Variants in SGIP1 observed in about 807,000 individuals in gnomAD.
SGIP1 encodes the protein SH3-containing GRB2-like protein 3-interacting protein 1.
In SGIP1, 38 loss-of-function variants were observed where a neutral mutation model predicts 107.5. The ratio of observed to expected loss-of-function variants is 0.35; its 90% CI spans 0.27 to 0.46. SGIP1 has a LOEUF of 0.46. Ranked by LOEUF, SGIP1 falls within the 20% of genes least tolerant of loss-of-function variation. The probability of loss-of-function intolerance (pLI) is 1.00; values close to 1 mark genes in which losing one functional copy is unlikely to be tolerated. For synonymous variants in SGIP1, 365 were observed against 366.1 expected, an observed-to-expected ratio of 1.00 and a Z score of 0.03; for missense variants, 929 against 1,019.5, an observed-to-expected ratio of 0.91 and a Z score of 1.21.
At chr1:66,557,286 GA>G (rs2058325846) in intron 1 of SGIP1, among the ~76,000 whole-genome samples, 1 of 152,060 alleles carries the variant, frequency 6.6e-6, no homozygotes, top group Non-Finnish European at 1.5e-5. Context: ...AAGGCTTTTG[GA>G]ATTTTCCCAT....
chr1:66,587,455 G>A (rs1207197470), intron 1 of SGIP1, among the ~76,000 whole-genome samples: 2 of 151,666 alleles, frequency 1.3e-5, no homozygotes, highest in Non-Finnish European at 2.9e-5. Flanking sequence ...CTGTTATTGA[G>A]CCATCCACTG....
At chr1:66,676,842 G>A in intron 12 of SGIP1, 162 bp from the exon 13 acceptor site, 1 of 608,366 alleles carries the variant, frequency 1.6e-6, no homozygotes, top group Non-Finnish European at 2.9e-6. Flanking sequence ...TCTATTCTCT[G>A]CTTGAAAAGA....
chr1:66,678,000 G>C (rs2085777970), intron 13 of SGIP1, among the ~76,000 whole-genome samples: 1 of 152,114 alleles, frequency 6.6e-6, no homozygotes, highest in Non-Finnish European at 1.5e-5. Context: ...GTTGTTTGTT[G>C]GAAATATTAT....
Position 66,733,849 on chromosome 1 carries a change from C to T in SGIP1, c.2000C>T (p.Thr667Ile). 1 of 1,613,378 alleles carries T rather than the reference C, an allele frequency of 6.2e-7. No individual in the cohort carries two copies. Among genetic ancestry groups the T allele is most frequent in the Non-Finnish European group, 8.5e-7 (1 of 1,179,648 alleles). ...KKVSEQKPQA[T>I]YYNVDMLKYQ... ...GTGTCTGAACAAAAACCCCAGGCTA[C>T]ATATTATAACGTTGACATGCTCAAA... Residue 667 changes from threonine to isoleucine, a missense_variant, in exon 21 of 25, where the codon ACA becomes ATA. Physicochemically the swap from Thr to Ile is moderately conservative, Grantham distance 89. Around this residue, in one of 2 missense-constraint regions of SGIP1, gnomAD observed 341 missense variants for 430.9 expected, o/e 0.79. Coordinates refer to ENST00000371037, the MANE Select transcript of SGIP1 (RefSeq NM_032291.4).
At position 66,682,370 on chromosome 1, in the gene SGIP1, G is replaced by A. The variant is rs2086926940; in HGVS notation, c.1315+1G>A. The A allele has an allele frequency of 1.9e-6, 3 of 1,608,336 alleles. No homozygotes were observed. Among genetic ancestry groups the A allele is most frequent in the East Asian group, 2.2e-5 (1 of 44,832 alleles). On this transcript the variant is annotated splice_donor_variant, in intron 15 of 24. Transcript: ENST00000371037. LOFTEE classifies it high-confidence loss of function. The stretch of plus-strand genomic sequence containing the variant: ...GGCCCTGGTCCGGGGACCACCAGTG[G>A]TATGTCTTATGCTTGAGTGTGCTTC...
At chr1:66,675,637 C>T (rs113242636) in intron 12 of SGIP1, among the ~76,000 whole-genome samples, 1,737 of 148,556 alleles carry the variant, frequency 0.012, 37 homozygotes, top group African/African-American at 0.041. Flanking sequence ...CCTCCCACAG[C>T]GATCCTCCCA....
intron 1 of SGIP1, among the ~76,000 whole-genome samples, chr1:66,562,692 C>T (rs1420351978): frequency 6.6e-6 from 1 of 151,914 alleles, no homozygotes; most frequent in Non-Finnish European, 1.5e-5. Flanking sequence ...GAAAACTTGC[C>T]CCTGGGCAGA....
intron 7 of SGIP1, chr1:66,660,022 G>GGAAGGAAGGAAGGAAGGAAC (rs2080790647): frequency 9.3e-6 from 1 of 106,976 alleles, no homozygotes; most frequent in Non-Finnish European, 1.5e-5. Context: ...CAGACAGGAA[G>GGAAGGAAGGAAGGAAGGAAC]GAAGGAAGGA....
At chr1:66,587,399 A>T (rs2062808625) in intron 1 of SGIP1, among the ~76,000 whole-genome samples, 2 of 148,888 alleles carry the variant, frequency 1.3e-5, no homozygotes, top group Non-Finnish European at 1.5e-5. Context: ...CTATTTTCTG[A>T]TTTGGTAATT....
At chr1:66,661,935 G>C (rs2081573452) in intron 8 of SGIP1, among the ~76,000 whole-genome samples, 1 of 151,964 alleles carries the variant, frequency 6.6e-6, no homozygotes, top group African/African-American at 2.4e-5. Flanking sequence ...TGGTCATTTT[G>C]ATGATACCTT....
intron 18 of SGIP1, among the ~76,000 whole-genome samples, chr1:66,701,403 C>A (rs2091890783): frequency 6.6e-6 from 1 of 152,134 alleles, no homozygotes; most frequent in African/African-American, 2.4e-5. Context: ...GTTGGGGAAA[C>A]AATACAGAAA....
At chr1:66,738,508 C>T (rs755300192) in intron 21 of SGIP1, among the ~76,000 whole-genome samples, 1 of 152,180 alleles carries the variant, frequency 6.6e-6, no homozygotes, top group Non-Finnish European at 1.5e-5. Context: ...TCACTGTGGA[C>T]CCAGAATTCA....
At position 66,664,267 on chromosome 1, in the gene SGIP1, A is replaced by G. The variant is rs1311674924; in HGVS notation, c.472-3263A>G. On this transcript the variant is annotated intron_variant, in intron 8 of 24. Coordinates refer to ENST00000371037, the MANE Select transcript of SGIP1 (RefSeq NM_032291.4). ...TGGCCTTTTTTTTCTAATTTCATTT[A>G]AGGTGCATCCAGGCAGGTTTATAAG... Among the ~76,000 whole-genome samples, 12 of 152,268 alleles carry G rather than the reference A, an allele frequency of 7.9e-5. No homozygotes were observed. In the South Asian group the frequency reaches 2.1e-3, roughly 26 times the overall value.
intron 9 of SGIP1, among the ~76,000 whole-genome samples, chr1:66,670,664 A>G (rs2083556194): frequency 1.3e-5 from 2 of 152,202 alleles, no homozygotes; most frequent in African/African-American, 2.4e-5. Flanking sequence ...ACTTCGATTT[A>G]CTTTCTTATC....
intron 1 of SGIP1, among the ~76,000 whole-genome samples, chr1:66,623,062 C>T (rs2071583498): frequency 6.6e-6 from 1 of 152,182 alleles, no homozygotes; most frequent in Non-Finnish European, 1.5e-5. Context: ...TCTCAAAAGA[C>T]ATGAACACAC....
chr1:66,708,234 G>A (rs1469974218), intron 18 of SGIP1, among the ~76,000 whole-genome samples: 2 of 152,282 alleles, frequency 1.3e-5, no homozygotes, highest in South Asian at 2.1e-4. Flanking sequence ...GATGTTTTGA[G>A]ATTAGAAGAC....
At chr1:66,554,420 C>T (rs182306261) in intron 1 of SGIP1, among the ~76,000 whole-genome samples, 1 of 152,196 alleles carries the variant, frequency 6.6e-6, no homozygotes, top group African/African-American at 2.4e-5. Context: ...GCTACTGTAA[C>T]CTTTCCCTTG....
chr1:66,673,425 C>A, intron 12 of SGIP1, 59 bp downstream of exon 12: 1 of 1,401,356 alleles, frequency 7.1e-7, no homozygotes, highest in Non-Finnish European at 9.7e-7. Flanking sequence ...AAGTACAACT[C>A]TTCTAGATTA....
chr1:66,691,047 C>G (rs997314978), intron 17 of SGIP1, among the ~76,000 whole-genome samples: 1 of 152,204 alleles, frequency 6.6e-6, no homozygotes, highest in African/African-American at 2.4e-5. Context: ...CACCTCCCAG[C>G]AGGAGACAGG....
Sources: gnomAD v4.1 joint callset for allele counts (sites outside exome capture counted in the v4.1 genomes callset) on GRCh38, gnomAD v4.1.1 for gene constraint, gnomAD v4.1.1 regional missense constraint, MANE v1.5 for transcripts, NCBI Gene and HGNC (gene_info 2026-07-23, HGNC 2026-07-21) for gene names.